SLC36A2: variants seen among roughly 807,000 people sequenced by gnomAD.
SLC36A2 encodes solute carrier family 36 member 2.
Under a neutral mutation model 42.7 loss-of-function variants are expected in SLC36A2, and 39 were observed. The ratio of observed to expected loss-of-function variants is 0.91; its 90% CI spans 0.71 to 1.19. SLC36A2 has a LOEUF of 1.19. Ranked by LOEUF, SLC36A2 falls within the 50% of genes most tolerant of loss-of-function variation. SLC36A2 has a pLI of 0.00. For synonymous variants in SLC36A2, 237 were observed against 240.8 expected (o/e 0.98, Z 0.15); for missense variants, 590 against 613.7 (o/e 0.96, Z 0.41).
intron 1 of SLC36A2, among the ~76,000 whole-genome samples, chr5:151,345,421 A>G (rs1344497618): frequency 1.3e-5 from 2 of 152,206 alleles, no homozygotes; most frequent in Admixed American, 1.3e-4. Flanking sequence ...GAGTGATGCT[A>G]TTTTTAAAAG....
At chr5:151,337,707 CA>C (rs1267505091) in intron 5 of SLC36A2, among the ~76,000 whole-genome samples, 1 of 151,764 alleles carries the variant, frequency 6.6e-6, no homozygotes, top group African/African-American at 2.4e-5. Flanking sequence ...ACTTTTGTGC[CA>C]ACAGATGATA....
At chr5:151,337,793 G>A (rs892203225) in intron 5 of SLC36A2, among the ~76,000 whole-genome samples, 1 of 152,044 alleles carries the variant, frequency 6.6e-6, no homozygotes, top group Admixed American at 6.5e-5. Flanking sequence ...TCTGTGTGAT[G>A]GAATATTATG....
At chr5:151,336,459 CTTTTTTTTT>C (rs769643262) in intron 5 of SLC36A2, among the ~76,000 whole-genome samples, 1 of 113,200 alleles carries the variant, frequency 8.8e-6, no homozygotes, top group Non-Finnish European at 1.9e-5. Flanking sequence ...TTCCCTCAAT[CTTTTTTTTT>C]TTTTTTTTTT....
At chr5:151,326,539 G>A (rs1032072063) in intron 7 of SLC36A2, among the ~76,000 whole-genome samples, 1 of 152,196 alleles carries the variant, frequency 6.6e-6, no homozygotes, top group African/African-American at 2.4e-5. Context: ...TCTGTTCTCA[G>A]AATCCTTCTT....
In SLC36A2 at chr5:151,344,240, C is replaced by T. The variant is rs913608703; in HGVS notation, c.192G>A (p.Val64=). 4 of 1,614,034 alleles carry T rather than the reference C, an allele frequency of 2.5e-6. No individual in the cohort carries two copies. The African/African-American group carries it at 5.3e-5, about 22-fold the overall frequency. ...GGATCCCTGTGCCCATGTTGCCTTT[C>T]ACCAGGTGAATCAAGGCCTGGAACA... The part of the protein sequence containing the change: ...ITVFQALIHL[V]KGNMGTGILG... The change falls in exon 2 of 10, where the codon GTG becomes GTA. Residue 64 remains valine (V), a synonymous_variant. Transcript: ENST00000335244.
intron 1 of SLC36A2, among the ~76,000 whole-genome samples, chr5:151,344,747 A>C (rs1451131720): frequency 1.3e-5 from 2 of 152,218 alleles, no homozygotes. Context: ...AAGTAAAGAA[A>C]CAACCCCATA....
At chr5:151,339,186 A>C in intron 4 of SLC36A2, 42 bp from the exon 5 acceptor site, 2 of 1,489,876 alleles carry the variant, frequency 1.3e-6, no homozygotes, top group Middle Eastern at 3.5e-4. Flanking sequence ...TTGTTATAAA[A>C]TAAGTCAACT....
At chr5:151,345,559 G>A (rs1417228013) in intron 1 of SLC36A2, among the ~76,000 whole-genome samples, 2 of 152,182 alleles carry the variant, frequency 1.3e-5, no homozygotes, top group Non-Finnish European at 2.9e-5. Flanking sequence ...GAGGGAGAAA[G>A]GGGGTGGAGA....
intron 5 of SLC36A2, among the ~76,000 whole-genome samples, chr5:151,336,694 C>A (rs1336658063): frequency 6.8e-6 from 1 of 147,256 alleles, no homozygotes; most frequent in African/African-American, 2.6e-5. Context: ...CCGTCCCCCA[C>A]CCCCCCACAC....
chr5:151,325,378 G>A lies in SLC36A2; in HGVS notation c.918C>T (p.Val306=). 6.2e-7 allele frequency: 1 copy of A among 1,614,204 alleles called. No homozygotes were observed. Among genetic ancestry groups the A allele is most frequent in the Non-Finnish European group, 8.5e-7 (1 of 1,180,028 alleles). The part of the protein sequence containing the change: ...PAILSLGMSI[V]TSLYIGMAAL... ...CCGCCATGCCAATGTATAGGGAAGTGACGATGGACATTCCCAAAGACAGGA... is the reference window on the plus strand; with the variant it reads ...CCGCCATGCCAATGTATAGGGAAGTAACGATGGACATTCCCAAAGACAGGA... The change falls in exon 8 of 10, where the codon GTC becomes GTT. Residue 306 remains valine (V), a synonymous_variant. Coordinates refer to ENST00000335244, the MANE Select transcript of SLC36A2 (RefSeq NM_181776.3).
chr5:151,337,495 C>G (rs1296909227), intron 5 of SLC36A2, among the ~76,000 whole-genome samples: 1 of 152,150 alleles, frequency 6.6e-6, no homozygotes, highest in Non-Finnish European at 1.5e-5. Flanking sequence ...CTCCTTGATA[C>G]AGTGTTTGCC....
At chr5:151,333,858 C>T (rs1008137490) in intron 6 of SLC36A2, among the ~76,000 whole-genome samples, 1 of 151,962 alleles carries the variant, frequency 6.6e-6, no homozygotes, top group Non-Finnish European at 1.5e-5. Context: ...CAAAACAATC[C>T]TCCAAAAGAA....
intron 6 of SLC36A2, among the ~76,000 whole-genome samples, chr5:151,334,012 A>G (rs562501749): frequency 6.6e-6 from 1 of 152,220 alleles, no homozygotes; most frequent in South Asian, 2.1e-4. Flanking sequence ...AATATGAAAG[A>G]TCCATTTTTT....
chr5:151,320,680 A>G (rs1434775116), intron 9 of SLC36A2, among the ~76,000 whole-genome samples: 1 of 152,176 alleles, frequency 6.6e-6, no homozygotes, highest in Non-Finnish European at 1.5e-5. Context: ...CAAGCACAGG[A>G]CCGTCCAGGG....
chr5:151,337,262 T>TTC (rs1366757917), intron 5 of SLC36A2, among the ~76,000 whole-genome samples: 1 of 152,186 alleles, frequency 6.6e-6, no homozygotes, highest in Non-Finnish European at 1.5e-5. Context: ...CACTGATTCC[T>TTC]TCTCCCACCT....
Position 151,322,193 on chromosome 5 carries a change from G to T in SLC36A2, c.1033C>A (p.Leu345Ile). Reference protein sequence around the residue: ...NCWLYQSVKLLYIAGILCTYA... With the variant: ...NCWLYQSVKLIYIAGILCTYA... The stretch of plus-strand genomic sequence containing the variant: ...GTGCACAGGATGCCGGCAATGTAGA[G>T]AAGCTTGACAGACTGGTACAGCCTG... The change falls in exon 9 of 10, where the codon CTC becomes ATC. Residue 345 changes from leucine to isoleucine, a missense_variant. By Grantham distance (5) the Leu-to-Ile change is conservative (BLOSUM62 2). Transcript: ENST00000335244. 3.7e-6 allele frequency: 6 copies of T among 1,614,172 alleles called. No individual in the cohort carries two copies. The highest frequency in any genetic ancestry group is 5.1e-6 in the Non-Finnish European group (6 of 1,180,024).
rs747084181 is a variant in SLC36A2 at position 151,347,315 on chromosome 5, T to A, written c.146A>T (p.Lys49Met). ...CACTCACGTTATGCCCTTGGTCTTC[T>A]TCAAGCCTGCTGACTCTGAAGGACT... is the stretch of plus-strand genomic sequence containing the variant. ...DESPSESAGL[K>M]KTKGITVFQA... The change falls in exon 1 of 10, where the codon AAG (lysine) becomes ATG (methionine). Residue 49 changes from lysine (K) to methionine (M), a missense_variant. By Grantham distance (95) the Lys-to-Met change is moderately conservative. Transcript: ENST00000335244. 6 of 1,613,832 alleles carry A rather than the reference T, an allele frequency of 3.7e-6. No individual in the cohort carries two copies. Among genetic ancestry groups the A allele is most frequent in the Non-Finnish European group, 4.2e-6 (5 of 1,179,654 alleles).
rs1243256922 is a variant in SLC36A2, at chr5:151,315,905, G to A, written c.*912C>T. 1 of 152,222 alleles carries A rather than the reference G, an allele frequency of 6.6e-6. No individual in the cohort carries two copies. The highest frequency in any genetic ancestry group is 1.9e-4 in the East Asian group (1 of 5,204). The allele number at this position is 152,222 out of a possible 1,614,324, so 9.4% of individuals were successfully genotyped here. A position where few individuals can be genotyped will look rare whatever the true frequency, so the allele number is the denominator to read the frequency against. ...TCTACTTCCATGCCTCCTATTCATT[G>A]TTGGGATCTTTGAGTTGGGAGAAAA... On this transcript the variant is annotated 3_prime_UTR_variant, in exon 10 of 10. Coordinates refer to ENST00000335244, the MANE Select transcript of SLC36A2 (RefSeq NM_181776.3).
At position 151,342,925 on chromosome 5, in the gene SLC36A2, G is replaced by A; in HGVS notation, c.403C>T (p.Pro135Ser). ...DTVMHGLEAN[P>S]NAWLQNHAHW... ...GCGTGATTCTGGAGCCAGGCGTTGG[G>A]GTTGGCTTCTAGTCCATGCATCACC... The change falls in exon 4 of 10, where the codon CCC becomes TCC. Residue 135 changes from proline (P) to serine (S), a missense_variant. Physicochemically the swap from Pro to Ser is moderately conservative, Grantham distance 74. Transcript: ENST00000335244. The A allele has an allele frequency of 6.2e-7, 1 of 1,614,116 alleles. No homozygotes were observed. The highest frequency in any genetic ancestry group is 1.1e-5 in the South Asian group (1 of 91,078).
Sources: allele counts gnomAD v4.1 joint callset (sites outside exome capture counted in the v4.1 genomes callset), GRCh38; gene constraint gnomAD v4.1.1; transcripts MANE v1.5; gene names NCBI Gene and HGNC (gene_info 2026-07-23, HGNC 2026-07-21).